Variants in FAM217A observed in about 807,000 individuals in gnomAD.
FAM217A encodes family with sequence similarity 217 member A, also known as protein FAM217A.
FAM217A carries 13 observed loss-of-function variants against 18.5 expected under a neutral mutation model. That is an observed-to-expected ratio of 0.70 (90% CI 0.46 to 1.12). The LOEUF is 1.12. Ranked by LOEUF, FAM217A falls within the 50% of genes most tolerant of loss-of-function variation. The pLI, the probability that FAM217A is intolerant of heterozygous loss-of-function variation, is 0.00. For synonymous variants in FAM217A, 161 were observed against 202.8 expected (o/e 0.79, Z 1.75); for missense variants, 560 against 575.4 (o/e 0.97, Z 0.27).
Position 4,078,983 on chromosome 6 carries a change from C to T in FAM217A, c.-166G>A. ...CCGCGGCCTTCCTGCAGCGGGGGGA[C>T]AAAGAGGGCGGCGGGCGGCTGGCGG... On this transcript the variant is annotated 5_prime_UTR_variant, in exon 1 of 7. Coordinates refer to ENST00000274673, the MANE Select transcript of FAM217A (RefSeq NM_173563.3). 1 of 496,264 alleles carries T rather than the reference C, an allele frequency of 2.0e-6. No individual in the cohort carries two copies. 30.7% of individuals were successfully genotyped at this position (496,264 alleles called of 1,614,324 possible). A position where few individuals can be genotyped will look rare whatever the true frequency, so the allele number is the denominator to read the frequency against.
At chr6:4,087,232 A>C, upstream of FAM217A, 2 of 1,026,418 alleles carry the variant, frequency 1.9e-6, no homozygotes, top group East Asian at 3.3e-5. Flanking sequence ...CAAAGCTCTC[A>C]GTTTTCCCCA....
At position 4,068,707 on chromosome 6, in the gene FAM217A, C is replaced by A; in HGVS notation, c.1516G>T (p.Glu506Ter). 1 of 1,593,134 alleles carries A rather than the reference C, an allele frequency of 6.3e-7. No homozygotes were observed. Among genetic ancestry groups the A allele is most frequent in the South Asian group, 1.1e-5 (1 of 86,978 alleles). ...IAKDKCCSPI[E>*]QK ...ATGAAAGAAAAGAGTTATTTTTGTT[C>A]AATGGGTGAGCAGCACTTATCCTTA... Residue 506 changes from glutamate to a stop codon, truncating the protein, a stop_gained, in exon 7 of 7, where the codon GAA becomes TAA. Coordinates refer to ENST00000274673, the MANE Select transcript of FAM217A (RefSeq NM_173563.3). LOFTEE classifies it high-confidence loss of function.
At chr6:4,084,823 A>G in intron 1 of FAM217A, 1 of 702,554 alleles carries the variant, frequency 1.4e-6, no homozygotes, top group Non-Finnish European at 2.6e-6. Flanking sequence ...TAGGAACAGA[A>G]AAAGGAATTG....
At chr6:4,083,718 A>G (rs569556115), upstream of FAM217A, among the ~76,000 whole-genome samples, 4 of 151,640 alleles carry the variant, frequency 2.6e-5, no homozygotes, top group African/African-American at 4.8e-5. Flanking sequence ...CGCCTGGCTA[A>G]TTTTTTTGTA....
At chr6:4,079,549 C>T (rs1025670518), upstream of FAM217A, 2 of 1,224,114 alleles carry the variant, frequency 1.6e-6, no homozygotes, top group African/African-American at 3.1e-5. Context: ...GGCCTCCAGG[C>T]CCTTCCCTGG....
upstream of FAM217A, chr6:4,079,675 C>T: frequency 2.3e-6 from 3 of 1,286,448 alleles, no homozygotes; most frequent in South Asian, 1.2e-5. Context: ...CCAGGAGCAC[C>T]GCCCGGTACG....
chr6:4,068,608 A>T lies in FAM217A; in HGVS notation c.*88T>A. ...TTGGTGATTTTGGGGGACTGTTAAT[A>T]GTACCTGTGTCTTGGAATAATTAAC... On this transcript the variant is annotated 3_prime_UTR_variant, in exon 7 of 7. Coordinates refer to ENST00000274673, the MANE Select transcript of FAM217A (RefSeq NM_173563.3). 1.4e-6 allele frequency: 2 copies of T among 1,418,132 alleles called. No individual in the cohort carries two copies. Among genetic ancestry groups the T allele is most frequent in the Non-Finnish European group, 1.9e-6 (2 of 1,054,350 alleles). 87.8% of individuals were successfully genotyped at this position (1,418,132 alleles called of 1,614,324 possible).
At chr6:4,084,069 A>G (rs1356043525), upstream of FAM217A, among the ~76,000 whole-genome samples, 1 of 152,208 alleles carries the variant, frequency 6.6e-6, no homozygotes, top group African/African-American at 2.4e-5. Context: ...GTCTTTCAGT[A>G]GTGGCTAATT....
At chr6:4,087,265 A>G, upstream of FAM217A, 9 of 1,208,014 alleles carry the variant, frequency 7.5e-6, no homozygotes, top group Non-Finnish European at 9.3e-6. Context: ...GTCCAGACGC[A>G]AGACTGGAGT....
At chr6:4,079,658 C>T, upstream of FAM217A, 1 of 1,288,398 alleles carries the variant, frequency 7.8e-7, no homozygotes, top group Non-Finnish European at 1.0e-6. Context: ...CGCCTGCTCA[C>T]ATCAAGCCAG....
chr6:4,078,556 G>A (rs1285812653), intron 1 of FAM217A, among the ~76,000 whole-genome samples: 1 of 152,182 alleles, frequency 6.6e-6, no homozygotes, highest in Non-Finnish European at 1.5e-5. Flanking sequence ...AGCAGGTGGC[G>A]CTGCCTGGGG....
At chr6:4,079,783 G>A, upstream of FAM217A, 3 of 597,870 alleles carry the variant, frequency 5.0e-6, no homozygotes, top group Non-Finnish European at 7.0e-6. Context: ...AGGCATCCTT[G>A]TTGACACCAA....
At chr6:4,084,945 C>G (rs992175028) in intron 1 of FAM217A, 1 of 606,430 alleles carries the variant, frequency 1.6e-6, no homozygotes, top group African/African-American at 1.8e-5. Flanking sequence ...CTGCTGGCAC[C>G]TACGTGGGCT....
At chr6:4,072,231 C>T (rs1462299217) in intron 6 of FAM217A, among the ~76,000 whole-genome samples, 1 of 151,924 alleles carries the variant, frequency 6.6e-6, no homozygotes, top group Admixed American at 6.6e-5. Context: ...ATCCTAGCTA[C>T]TCAGGCAGCT....
At chr6:4,084,868 T>C in intron 1 of FAM217A, 3 of 688,784 alleles carry the variant, frequency 4.4e-6, no homozygotes, top group Non-Finnish European at 7.9e-6. Flanking sequence ...AAGATCAGCC[T>C]AACTAGAAAA....
chr6:4,076,295 C>T (rs896938274), intron 2 of FAM217A, among the ~76,000 whole-genome samples: 7 of 148,262 alleles, frequency 4.7e-5, no homozygotes, highest in South Asian at 2.1e-4. Context: ...CACCACTGCA[C>T]TCCACCCTGG....
intron 1 of FAM217A, among the ~76,000 whole-genome samples, chr6:4,086,443 T>C (rs1350417219): frequency 1.0e-5 from 1 of 99,494 alleles, no homozygotes; most frequent in Non-Finnish European, 1.8e-5. Flanking sequence ...CAAAACTCTG[T>C]CTCAAAAAAA....
rs781118053 is a variant in FAM217A, at chr6:4,073,268, C to T, written c.302+7G>A. On this transcript the variant is annotated splice_region_variant and intron_variant, in intron 6 of 6. Transcript: ENST00000274673. ...TTTAGGGTGTTACAAAATAACTACTCGCTTACCTCTTCTCTATGGTACTTC... is the reference window on the plus strand; with the variant it reads ...TTTAGGGTGTTACAAAATAACTACTTGCTTACCTCTTCTCTATGGTACTTC... 1.4e-4 allele frequency: 218 copies of T among 1,591,342 alleles called. 1 individual carries two copies. The highest frequency in any genetic ancestry group is 1.7e-4 in the Non-Finnish European group (202 of 1,169,904).
intron 1 of FAM217A, among the ~76,000 whole-genome samples, chr6:4,078,177 C>T (rs1769982070): frequency 6.6e-6 from 1 of 151,782 alleles, no homozygotes; most frequent in Admixed American, 6.6e-5. Context: ...CCTCAGCCTC[C>T]CGAGCAGCTG....
Sources: gnomAD v4.1 joint callset for allele counts (sites outside exome capture counted in the v4.1 genomes callset) on GRCh38, gnomAD v4.1.1 for gene constraint, MANE v1.5 for transcripts, NCBI Gene and HGNC (gene_info 2026-07-23, HGNC 2026-07-21) for gene names.